The following ZMAT3 variants were observed in gnomAD, a reference collection of about 807,000 sequenced individuals.
ZMAT3 encodes the protein zinc finger matrin-type 3, also known as zinc finger matrin-type protein 3.
Under a neutral mutation model 32.3 loss-of-function variants are expected in ZMAT3, and 17 were observed. That is an observed-to-expected ratio of 0.53 (90% confidence interval 0.36 to 0.79). ZMAT3 has a LOEUF of 0.79. ZMAT3 is among the 30% of genes least tolerant of loss of function. ZMAT3 has a pLI of 0.00. For synonymous variants in ZMAT3, 120 were observed against 133.1 expected, an observed-to-expected ratio of 0.90 and a Z score of 0.68; for missense variants, 329 against 359.7, an observed-to-expected ratio of 0.91 and a Z score of 0.69.
chr3:179,032,636 C>T (rs1283259971), intron 2 of ZMAT3, among the ~76,000 whole-genome samples: 1 of 151,272 alleles, frequency 6.6e-6, no homozygotes, highest in South Asian at 2.1e-4. Flanking sequence ...ATGTGAAGAG[C>T]ACCTCTGCCC....
intron 2 of ZMAT3, among the ~76,000 whole-genome samples, chr3:179,043,967 AC>A (rs1478428537): frequency 1.3e-5 from 2 of 152,252 alleles, no homozygotes; most frequent in African/African-American, 4.8e-5. Context: ...GCCAACAGAT[AC>A]ATGGAAAAAT....
intron 2 of ZMAT3, among the ~76,000 whole-genome samples, chr3:179,052,038 C>A (rs1720593517): frequency 6.6e-6 from 1 of 152,088 alleles, no homozygotes; most frequent in East Asian, 1.9e-4. Context: ...AGAGATGGAT[C>A]AAAGACTTAA....
chr3:179,027,549 G>A, intron 4 of ZMAT3, 26 bp from the exon 5 acceptor site: 1 of 1,614,030 alleles, frequency 6.2e-7, no homozygotes, highest in Non-Finnish European at 8.5e-7. Flanking sequence ...TTAAAAAAGA[G>A]TGAGTCTTCT....
chr3:179,068,640 T>A (rs898824877), intron 1 of ZMAT3, among the ~76,000 whole-genome samples: 3 of 152,150 alleles, frequency 2.0e-5, no homozygotes, highest in Non-Finnish European at 2.9e-5. Flanking sequence ...TAGCTAAAAT[T>A]TCAGGGAACT....
intron 2 of ZMAT3, among the ~76,000 whole-genome samples, chr3:179,042,980 C>T (rs1016212917): frequency 7.2e-5 from 11 of 152,014 alleles, no homozygotes; most frequent in African/African-American, 1.2e-4. Flanking sequence ...ACAATTGCTA[C>T]GAAAACAATA....
chr3:179,025,366 T>G, intron 5 of ZMAT3, 138 bp from the exon 6 acceptor site: 1 of 732,056 alleles, frequency 1.4e-6, no homozygotes, highest in South Asian at 2.0e-5. Flanking sequence ...AATGTGAAGT[T>G]AATGGATTTT....
intron 2 of ZMAT3, among the ~76,000 whole-genome samples, chr3:179,041,838 A>G (rs915394737): frequency 5.3e-5 from 8 of 152,158 alleles, no homozygotes; most frequent in African/African-American, 1.9e-4. Flanking sequence ...GACCACTAGC[A>G]AGACTAATAA....
At chr3:179,071,116 T>G (rs545724453) in intron 1 of ZMAT3, among the ~76,000 whole-genome samples, 1 of 152,254 alleles carries the variant, frequency 6.6e-6, no homozygotes, top group African/African-American at 2.4e-5. Flanking sequence ...TGAGGCAAGG[T>G]GTATCCTATA....
In ZMAT3 at chr3:179,022,088, T is replaced by G. The variant is rs190242446; in HGVS notation, c.*2929A>C. 3 of 152,170 alleles carry G rather than the reference T, an allele frequency of 2.0e-5. No homozygotes were observed. Among genetic ancestry groups the G allele is most frequent in the Non-Finnish European group, 4.4e-5 (3 of 68,026 alleles). 9.4% of individuals were successfully genotyped at this position (152,170 alleles called of 1,614,324 possible). On this transcript the variant is annotated 3_prime_UTR_variant, in exon 6 of 6. Transcript: ENST00000311417. ...AGCTCTTTTTTAGTGCAAAGAAATA[T>G]AGCAAGTAAGAAATAACACTATAAA...
At chr3:179,045,530 AAAG>A (rs1235196505) in intron 2 of ZMAT3, among the ~76,000 whole-genome samples, 2 of 152,216 alleles carry the variant, frequency 1.3e-5, no homozygotes, top group Non-Finnish European at 2.9e-5. Flanking sequence ...GCAAATTGCA[AAAG>A]AAGATATGTA....
At position 179,051,908 on chromosome 3, in the gene ZMAT3, A is replaced by G. The variant is rs111474883; in HGVS notation, c.270+15575T>C. On this transcript the variant is annotated intron_variant, in intron 2 of 5. Transcript: ENST00000311417. ...GGTCAACTGATCTTCAACAAAACAA[A>G]CAAAAACATAAAGTGGGGAAAGGAC... Among the ~76,000 whole-genome samples, 40 of 152,318 alleles carry G rather than the reference A, an allele frequency of 2.6e-4. 1 individual carries two copies. Among genetic ancestry groups the G allele is most frequent in the African/African-American group, 9.4e-4 (39 of 41,580 alleles).
intron 2 of ZMAT3, among the ~76,000 whole-genome samples, chr3:179,044,661 A>G (rs1224865512): frequency 6.6e-6 from 1 of 152,134 alleles, no homozygotes; most frequent in Non-Finnish European, 1.5e-5. Context: ...AAAAAGAAAG[A>G]AAATGTGACA....
Position 179,022,315 on chromosome 3 carries a change from C to T in ZMAT3, c.*2702G>A, listed in dbSNP as rs1054586386. Reference sequence around the variant, plus strand: ...TTATAAAACTATTTCCAATGGAAAACAAAGTGGATGAATGACATTTTTACA... The same window carrying T: ...TTATAAAACTATTTCCAATGGAAAATAAAGTGGATGAATGACATTTTTACA... On this transcript the variant is annotated 3_prime_UTR_variant, in exon 6 of 6. Transcript: ENST00000311417. 2.0e-5 allele frequency: 3 copies of T among 152,036 alleles called. No individual in the cohort carries two copies. Among genetic ancestry groups the T allele is most frequent in the Non-Finnish European group, 4.4e-5 (3 of 67,974 alleles). The allele number at this position is 152,036 out of a possible 1,614,324, so 9.4% of individuals were successfully genotyped here.
chr3:179,038,656 G>T (rs540366239), intron 2 of ZMAT3, among the ~76,000 whole-genome samples: 2 of 152,282 alleles, frequency 1.3e-5, no homozygotes, highest in Non-Finnish European at 2.9e-5. Context: ...TGCAGCAGAC[G>T]GGTGATATCC....
At position 179,047,529 on chromosome 3, in the gene ZMAT3, G is replaced by T. The variant is rs1720306635; in HGVS notation, c.271-16530C>A. Among the ~76,000 whole-genome samples, 2 of 152,186 alleles carry T rather than the reference G, an allele frequency of 1.3e-5. 1 individual carries two copies. The highest frequency in any genetic ancestry group is 4.8e-5 in the African/African-American group (2 of 41,444). On this transcript the variant is annotated intron_variant, in intron 2 of 5. Coordinates refer to ENST00000311417, the MANE Select transcript of ZMAT3 (RefSeq NM_022470.4). ...TGAAATATCTGAATTGCCAGAAAAA[G>T]AATTCAGAAGGTCAACTACTAATCC...
intron 5 of ZMAT3, among the ~76,000 whole-genome samples, chr3:179,026,179 A>G (rs1252989370): frequency 6.6e-6 from 1 of 152,056 alleles, no homozygotes; most frequent in Non-Finnish European, 1.5e-5. Flanking sequence ...TGTTGTTGAC[A>G]TCTCATTTCA....
rs1173671110 is a variant in ZMAT3 at position 179,021,543 on chromosome 3, T to C, written c.*3474A>G. Reference sequence around the variant, plus strand: ...GATGATTACCGAAATCTAAGTATTTTTTTTTCTAATTTTTGTTGTTGTTGT... The same window carrying C: ...GATGATTACCGAAATCTAAGTATTTCTTTTTCTAATTTTTGTTGTTGTTGT... On this transcript the variant is annotated 3_prime_UTR_variant, in exon 6 of 6. Coordinates refer to ENST00000311417, the MANE Select transcript of ZMAT3 (RefSeq NM_022470.4). The C allele has an allele frequency of 1.3e-5, 2 of 152,188 alleles. No homozygotes were observed. Among genetic ancestry groups the C allele is most frequent in the African/African-American group, 4.8e-5 (2 of 41,418 alleles). The allele number at this position is 152,188 out of a possible 1,614,324, so 9.4% of individuals were successfully genotyped here.
At chr3:179,056,846 C>T (rs999216358) in intron 2 of ZMAT3, among the ~76,000 whole-genome samples, 9 of 152,174 alleles carry the variant, frequency 5.9e-5, no homozygotes, top group Admixed American at 5.9e-4. Flanking sequence ...TTTTCACATG[C>T]TTTTCTAATT....
intron 2 of ZMAT3, among the ~76,000 whole-genome samples, chr3:179,032,138 G>C (rs538118990): frequency 7.4e-5 from 11 of 149,460 alleles, no homozygotes; most frequent in Non-Finnish European, 1.5e-4. Context: ...GAGTGCCTGC[G>C]ATTGCAGGTG....
Sources: gnomAD v4.1 joint callset for allele counts (sites outside exome capture counted in the v4.1 genomes callset) on GRCh38, gnomAD v4.1.1 for gene constraint, MANE v1.5 for transcripts, NCBI Gene and HGNC (gene_info 2026-07-23, HGNC 2026-07-21) for gene names.